Variants in KCNQ5 observed in about 807,000 individuals in gnomAD.
KCNQ5 encodes potassium voltage-gated channel subfamily Q member 5, also known as potassium voltage-gated channel subfamily KQT member 5.
In KCNQ5, 30 loss-of-function variants were observed where a neutral mutation model predicts 98.2. The observed-to-expected ratio is 0.31, with a 90% CI of 0.23 to 0.41. The LOEUF is 0.41. Among genes scored for constraint, KCNQ5 ranks in the 10% least tolerant of loss-of-function variants. KCNQ5 has a pLI of 1.00. For missense variants in KCNQ5, 835 were observed against 1,182.5 expected, an observed-to-expected ratio of 0.71 and a Z score of 4.31; for synonymous variants, 458 against 449.4, an observed-to-expected ratio of 1.02 and a Z score of -0.24.
At chr6:73,006,749 C>A (rs956863802) in intron 2 of KCNQ5, among the ~76,000 whole-genome samples, 1 of 152,196 alleles carries the variant, frequency 6.6e-6, no homozygotes, top group Admixed American at 6.5e-5. Context: ...AAAGACAACA[C>A]CAGAGGTGTA....
intron 1 of KCNQ5, among the ~76,000 whole-genome samples, chr6:72,981,109 C>A (rs1481481446): frequency 6.6e-6 from 1 of 152,112 alleles, no homozygotes; most frequent in African/African-American, 2.4e-5. Flanking sequence ...GGATATTGGT[C>A]TAAAATTCTC....
At chr6:73,053,189 C>A (rs781290378) in intron 3 of KCNQ5, among the ~76,000 whole-genome samples, 24 of 151,990 alleles carry the variant, frequency 1.6e-4, no homozygotes, top group African/African-American at 5.8e-4. Context: ...CTCAAAAGGC[C>A]AGACTTAACT....
At chr6:72,708,217 A>G (rs1278056609) in intron 1 of KCNQ5, among the ~76,000 whole-genome samples, 1 of 152,166 alleles carries the variant, frequency 6.6e-6, no homozygotes, top group African/African-American at 2.4e-5. Flanking sequence ...TTAAATTTTA[A>G]TTGCAACAAA....
intron 3 of KCNQ5, among the ~76,000 whole-genome samples, chr6:73,076,327 A>G (rs1213097096): frequency 6.6e-6 from 1 of 152,228 alleles, no homozygotes; most frequent in African/African-American, 2.4e-5. Context: ...AAGCCCAGTC[A>G]TGCACAACCC....
At chr6:72,703,932 T>C (rs1294596055) in intron 1 of KCNQ5, among the ~76,000 whole-genome samples, 1 of 152,228 alleles carries the variant, frequency 6.6e-6, no homozygotes, top group Non-Finnish European at 1.5e-5. Context: ...AATAGTTTAC[T>C]TGTGGCTGCT....
intron 2 of KCNQ5, among the ~76,000 whole-genome samples, chr6:73,015,888 A>G (rs1453404313): frequency 6.6e-6 from 1 of 152,108 alleles, no homozygotes; most frequent in Non-Finnish European, 1.5e-5. Context: ...CCTGAAATAA[A>G]CTTTCTTTCC....
At chr6:72,985,817 C>G (rs978196168) in intron 1 of KCNQ5, among the ~76,000 whole-genome samples, 17 of 151,956 alleles carry the variant, frequency 1.1e-4, no homozygotes, top group African/African-American at 4.1e-4. Flanking sequence ...GGCTATATAC[C>G]CAAAGGAAAA....
At chr6:73,098,734 C>G (rs752661519) in intron 5 of KCNQ5, among the ~76,000 whole-genome samples, 2 of 152,024 alleles carry the variant, frequency 1.3e-5, no homozygotes, top group Non-Finnish European at 2.9e-5. Flanking sequence ...CCAGACCTGT[C>G]CTATAAGAAA....
At chr6:73,119,405 A>T (rs1775652925) in intron 7 of KCNQ5, among the ~76,000 whole-genome samples, 1 of 152,230 alleles carries the variant, frequency 6.6e-6, no homozygotes, top group African/African-American at 2.4e-5. Context: ...TCACACTTTG[A>T]TGGTGAGGAT....
chr6:73,197,425 A>G lies in KCNQ5; in HGVS notation c.*2011A>G, dbSNP rs1765826298. On this transcript the variant is annotated 3_prime_UTR_variant, in exon 14 of 14. Coordinates refer to ENST00000370398, the MANE Select transcript of KCNQ5 (RefSeq NM_019842.4). ...TTTGGCTGCTGGAAATGTATAGAAG[A>G]TAGAGGCTAAATTTTACACTTCAGT... 1 of 152,198 alleles carries G rather than the reference A, an allele frequency of 6.6e-6. No homozygotes were observed. The highest frequency in any genetic ancestry group is 1.5e-5 in the Non-Finnish European group (1 of 68,040). 9.4% of individuals were successfully genotyped at this position (152,198 alleles called of 1,614,324 possible).
chr6:72,787,004 C>CAAAAAAAA (rs1045803750), intron 1 of KCNQ5, among the ~76,000 whole-genome samples: 20 of 50,450 alleles, frequency 4.0e-4, no homozygotes, highest in Non-Finnish European at 6.3e-4. Context: ...GACTCTGTCT[C>CAAAAAAAA]AAAAAAAAAA....
At chr6:72,770,500 C>A (rs1278100335) in intron 1 of KCNQ5, among the ~76,000 whole-genome samples, 1 of 152,072 alleles carries the variant, frequency 6.6e-6, no homozygotes, top group Non-Finnish European at 1.5e-5. Flanking sequence ...ATATTATAAT[C>A]TGCAGAACAA....
At chr6:72,891,574 T>C (rs375379690) in intron 1 of KCNQ5, among the ~76,000 whole-genome samples, 1 of 152,284 alleles carries the variant, frequency 6.6e-6, no homozygotes, top group Non-Finnish European at 1.5e-5. Flanking sequence ...GCCTGCTCCA[T>C]ATGCCCCCCA....
intron 3 of KCNQ5, among the ~76,000 whole-genome samples, chr6:73,043,995 T>G (rs923038183): frequency 2.6e-5 from 4 of 152,164 alleles, no homozygotes; most frequent in African/African-American, 9.7e-5. Flanking sequence ...CCTTAAAAAT[T>G]TAGTATGATG....
chr6:72,803,095 G>A (rs1774745354), intron 1 of KCNQ5, among the ~76,000 whole-genome samples: 2 of 152,032 alleles, frequency 1.3e-5, no homozygotes, highest in Admixed American at 6.6e-5. Flanking sequence ...GTTTCTTGAG[G>A]CAACCATGGA....
At chr6:73,019,355 T>A (rs561521847) in intron 2 of KCNQ5, among the ~76,000 whole-genome samples, 1 of 152,296 alleles carries the variant, frequency 6.6e-6, no homozygotes, top group South Asian at 2.1e-4. Flanking sequence ...CCCCAAACTA[T>A]GTTTTCCAGC....
At chr6:72,837,284 A>T (rs945772090) in intron 1 of KCNQ5, among the ~76,000 whole-genome samples, 8 of 152,242 alleles carry the variant, frequency 5.3e-5, no homozygotes, top group African/African-American at 1.9e-4. Context: ...TACTGGCTGT[A>T]TCCTACACAA....
intron 2 of KCNQ5, among the ~76,000 whole-genome samples, chr6:73,018,907 G>A (rs1770467516): frequency 6.6e-6 from 1 of 152,140 alleles, no homozygotes; most frequent in South Asian, 2.1e-4. Flanking sequence ...ATGCAGTACT[G>A]CCATGTCTAC....
intron 1 of KCNQ5, among the ~76,000 whole-genome samples, chr6:72,948,482 GA>G (rs893655446): frequency 5.3e-5 from 8 of 150,902 alleles, no homozygotes; most frequent in Non-Finnish European, 8.9e-5. Context: ...GAAAGGAAAA[GA>G]AAAAAAAATC....
Sources: gnomAD v4.1 joint callset for allele counts (sites outside exome capture counted in the v4.1 genomes callset) on GRCh38, gnomAD v4.1.1 for gene constraint, MANE v1.5 for transcripts, NCBI Gene and HGNC (gene_info 2026-07-23, HGNC 2026-07-21) for gene names.